The following ALMS1 variants were observed in gnomAD, a reference collection of about 807,000 sequenced individuals.
ALMS1 encodes ALMS1 centrosome and basal body associated protein, also known as centrosome-associated protein ALMS1.
Under a neutral mutation model 352.2 loss-of-function variants are expected in ALMS1, and 271 were observed. The ratio of observed to expected loss-of-function variants is 0.77; its 90% CI spans 0.70 to 0.85. The LOEUF (loss-of-function observed/expected upper bound fraction) is 0.85, where lower values mean the gene tolerates loss of function less well. ALMS1 is among the 40% of genes least tolerant of loss of function. The pLI is 0.00. For missense variants in ALMS1, 5,445 were observed against 4,870.7 expected, an observed-to-expected ratio of 1.12 and a Z score of -3.51; for synonymous variants, 1,865 against 1,761.2, an observed-to-expected ratio of 1.06 and a Z score of -1.48.
intron 1 of ALMS1, among the ~76,000 whole-genome samples, chr2:73,391,426 T>C (rs1417116833): frequency 6.7e-6 from 1 of 150,130 alleles, no homozygotes; most frequent in African/African-American, 2.5e-5. Flanking sequence ...CCCGAGTAGC[T>C]GCGACTACAG....
Position 73,470,033 on chromosome 2 carries a change from T to G in ALMS1, c.7674+14738T>G, listed in dbSNP as rs542611682. ...GAAGACATACCTGAAATTATGAATC[T>G]TTTGCATCAGTGTGATGTCTCCACT... On this transcript the variant is annotated intron_variant, in intron 9 of 22. Coordinates refer to ENST00000613296, the MANE Select transcript of ALMS1 (RefSeq NM_001378454.1). 9.8e-4 allele frequency: 149 copies of G among 151,964 alleles called. 2 individuals are homozygous for G. The highest frequency in any genetic ancestry group is 3.5e-3 in the African/African-American group (144 of 41,538). 9.4% of individuals were successfully genotyped at this position (151,964 alleles called of 1,614,324 possible).
At chr2:73,566,205 G>T (rs753231543) in intron 15 of ALMS1, among the ~76,000 whole-genome samples, 6 of 152,196 alleles carry the variant, frequency 3.9e-5, no homozygotes, top group Non-Finnish European at 8.8e-5. Flanking sequence ...CAGGTGGATA[G>T]ATAAATGATA....
chr2:73,436,923 C>T (rs977595581), intron 7 of ALMS1, among the ~76,000 whole-genome samples: 1 of 152,206 alleles, frequency 6.6e-6, no homozygotes, highest in Non-Finnish European at 1.5e-5. Flanking sequence ...GTGAAGGGGT[C>T]ACACTTTCTT....
intron 10 of ALMS1, among the ~76,000 whole-genome samples, chr2:73,511,491 G>A (rs1003377614): frequency 1.3e-5 from 2 of 152,104 alleles, no homozygotes; most frequent in Non-Finnish European, 2.9e-5. Context: ...CCCTCTGTGG[G>A]CTGCACCCAC....
chr2:73,414,489 G>GTTTTTTTTTTTTTTTTTTTTTGT (rs11395837), intron 2 of ALMS1, among the ~76,000 whole-genome samples: 1 of 94,250 alleles, frequency 1.1e-5, no homozygotes, highest in Non-Finnish European at 2.0e-5. Context: ...TTTTTTTTTT[G>GTTTTTTTTTTTTTTTTTTTTTGT]TTTTTTTTTT....
At position 73,448,237 on chromosome 2, in the gene ALMS1, A is replaced by G; in HGVS notation, c.1710A>G (p.Val570=). ...PADQKTATPT[V]LSSSHSHRGK... is the part of the protein sequence containing the mutation. Reference sequence around the variant, plus strand: ...ACCAGAAGACTGCAACACCAACAGTACTCTCTAGTTCCCACTCACATAGGG... The same window carrying G: ...ACCAGAAGACTGCAACACCAACAGTGCTCTCTAGTTCCCACTCACATAGGG... The change falls in exon 8 of 23, where the codon GTA becomes GTG. Residue 570 remains valine, a synonymous_variant. Transcript: ENST00000613296. 1 of 1,614,002 alleles carries G rather than the reference A, an allele frequency of 6.2e-7. No individual in the cohort carries two copies. Among genetic ancestry groups the G allele is most frequent in the Non-Finnish European group, 8.5e-7 (1 of 1,179,920 alleles).
chr2:73,510,199 C>G (rs1272935245), intron 10 of ALMS1, among the ~76,000 whole-genome samples: 1 of 152,130 alleles, frequency 6.6e-6, no homozygotes, highest in African/African-American at 2.4e-5. Flanking sequence ...TTATTACCCA[C>G]CTTCTGAAGC....
intron 10 of ALMS1, among the ~76,000 whole-genome samples, chr2:73,508,026 C>T (rs1378504563): frequency 1.3e-5 from 2 of 152,012 alleles, no homozygotes; most frequent in African/African-American, 2.4e-5. Context: ...GCCTTGATTT[C>T]GTTATTTAGC....
At chr2:73,408,904 ACT>A (rs1671024608) in intron 2 of ALMS1, among the ~76,000 whole-genome samples, 157 bp downstream of exon 2, 1 of 112,634 alleles carries the variant, frequency 8.9e-6, no homozygotes, top group South Asian at 2.7e-4. Flanking sequence ...ACAGGGTCTC[ACT>A]CTGTCACCCA....
intron 12 of ALMS1, among the ~76,000 whole-genome samples, chr2:73,543,283 T>C (rs537340377): frequency 6.6e-6 from 1 of 152,268 alleles, no homozygotes; most frequent in East Asian, 1.9e-4. Flanking sequence ...CCCTATTTAA[T>C]AAATGGTGCT....
At chr2:73,593,109 A>G (rs1675465814) in intron 16 of ALMS1, among the ~76,000 whole-genome samples, 1 of 34,450 alleles carries the variant, frequency 2.9e-5, no homozygotes, top group South Asian at 7.1e-4. Context: ...TGAGGAGATC[A>G]TTAGAGATGC....
chr2:73,547,703 A>T (rs1202549070), intron 12 of ALMS1, among the ~76,000 whole-genome samples: 1 of 152,202 alleles, frequency 6.6e-6, no homozygotes, highest in Non-Finnish European at 1.5e-5. Context: ...TACTACTGCA[A>T]TTATGGTTTG....
intron 10 of ALMS1, among the ~76,000 whole-genome samples, chr2:73,506,054 T>C (rs546696704): frequency 6.6e-6 from 1 of 152,288 alleles, no homozygotes; most frequent in South Asian, 2.1e-4. Flanking sequence ...AGGGAATCCT[T>C]TCTCCATTGC....
chr2:73,449,940 C>T lies in ALMS1; in HGVS notation c.3413C>T (p.Thr1138Ile), dbSNP rs1671892972. The change falls in exon 8 of 23, where the codon ACT (threonine) becomes ATT (isoleucine). Residue 1138 changes from threonine (T) to isoleucine (I), a missense_variant. By Grantham distance (89) the Thr-to-Ile change is moderately conservative. Coordinates refer to ENST00000613296, the MANE Select transcript of ALMS1 (RefSeq NM_001378454.1). ...GCAGACCAGAAGACTGGCACACCAA[C>T]TGTAACCTCAACTTCCTACTCACAA... Reference protein sequence around the residue: ...GLADQKTGTPTVTSTSYSQHR... With the variant: ...GLADQKTGTPIVTSTSYSQHR... 1 of 1,614,024 alleles carries T rather than the reference C, an allele frequency of 6.2e-7. No individual in the cohort carries two copies. Among genetic ancestry groups the T allele is most frequent in the African/African-American group, 1.3e-5 (1 of 75,002 alleles).
In ALMS1 at chr2:73,451,430, A is replaced by G; in HGVS notation, c.4903A>G (p.Ser1635Gly). The G allele has an allele frequency of 6.2e-7, 1 of 1,613,870 alleles. No individual in the cohort carries two copies. Among genetic ancestry groups the G allele is most frequent in the East Asian group, 2.2e-5 (1 of 44,852 alleles). The change falls in exon 8 of 23, where the codon AGT becomes GGT. Residue 1635 changes from serine to glycine, a missense_variant. Coordinates refer to ENST00000613296, the MANE Select transcript of ALMS1 (RefSeq NM_001378454.1). ...ITFYRQALLD[S>G]PLNKEVVKVS... is the part of the protein sequence containing the mutation. The stretch of plus-strand genomic sequence containing the variant: ...TTTCTACCGGCAGGCTCTGCTAGAC[A>G]GTCCTCTAAATAAAGAGGTTGTGAA...
In ALMS1 at chr2:73,550,305, G is replaced by A. The variant is rs773202952; in HGVS notation, c.9946G>A (p.Val3316Met). ...CATTGCTCCAGACTTCCCAGCTCAG[G>A]TGCTAGGCACAAGAGATGATGACCT... Reference protein sequence around the residue: ...DAIAPDFPAQVLGTRDDDLSA... With the variant: ...DAIAPDFPAQMLGTRDDDLSA... The change falls in exon 13 of 23, where the codon GTG becomes ATG. Residue 3316 changes from valine (V) to methionine (M), a missense_variant. By Grantham distance (21) the Val-to-Met change is conservative (BLOSUM62 1). Transcript: ENST00000613296. The A allele has an allele frequency of 1.5e-5, 24 of 1,613,962 alleles. No homozygotes were observed. The highest frequency in any genetic ancestry group is 1.6e-4 in the Middle Eastern group (1 of 6,084).
chr2:73,410,778 CAT>C (rs1193803575), intron 2 of ALMS1, among the ~76,000 whole-genome samples: 2 of 151,930 alleles, frequency 1.3e-5, no homozygotes, highest in African/African-American at 2.4e-5. Context: ...GAAAAAAGCT[CAT>C]GTAGAGTTAT....
In ALMS1 at chr2:73,601,262, T is replaced by A. The variant is rs1675679219; in HGVS notation, c.11940T>A (p.Thr3980=). 6.2e-7 allele frequency: 1 copy of A among 1,614,248 alleles called. No individual in the cohort carries two copies. Residue 3980 remains threonine (T), a synonymous_variant, in exon 19 of 23, where the codon ACT becomes ACA. Coordinates refer to ENST00000613296, the MANE Select transcript of ALMS1 (RefSeq NM_001378454.1). ...CAAAGAAGGAAAACGTGCCTAACAC[T>A]TGTGGCCCTGGCATCTCCTGGTTTG... ...SRSKKENVPN[T]CGPGISWFEP...
chr2:73,394,111 A>G lies in ALMS1; in HGVS notation c.324+7919A>G, dbSNP rs533137237. On this transcript the variant is annotated intron_variant, in intron 1 of 22. Transcript: ENST00000613296. ...GCTGGGATTACAGGCGTGAGCCACC[A>G]TGCCTGACTAGGAGACACTCTTTTG... is the stretch of plus-strand genomic sequence containing the variant. 1.1e-4 allele frequency among the ~76,000 whole-genome samples: 16 copies of G among 151,684 alleles called. No individual in the cohort carries two copies. The Middle Eastern group carries it at 0.01, about 97-fold the overall frequency.
Sources: gnomAD v4.1 joint callset for allele counts (sites outside exome capture counted in the v4.1 genomes callset) on GRCh38, gnomAD v4.1.1 for gene constraint, MANE v1.5 for transcripts, NCBI Gene and HGNC (gene_info 2026-07-23, HGNC 2026-07-21) for gene names.